The following SLC35F1 variants were observed in gnomAD, a reference collection of about 807,000 sequenced individuals.
The protein encoded by SLC35F1 is chromosome 6 open reading frame 169.
SLC35F1 carries 14 observed loss-of-function variants against 48.7 expected under a neutral mutation model. That is an observed-to-expected ratio of 0.29 (90% CI 0.19 to 0.45). The LOEUF is 0.45. SLC35F1 is among the 20% of genes least tolerant of loss of function. SLC35F1 has a pLI of 1.00. For synonymous variants in SLC35F1, 190 were observed against 202.2 expected (o/e 0.94, Z 0.51); for missense variants, 404 against 500.0 (o/e 0.81, Z 1.83).
At chr6:118,292,742 A>G (rs1442024241) in intron 7 of SLC35F1, among the ~76,000 whole-genome samples, 2 of 149,076 alleles carry the variant, frequency 1.3e-5, no homozygotes, top group Non-Finnish European at 1.5e-5. Flanking sequence ...TTTCCCTCCC[A>G]TCATTCCGCT....
At chr6:118,213,826 G>T in intron 2 of SLC35F1, among the ~76,000 whole-genome samples, 1 of 152,148 alleles carries the variant, frequency 6.6e-6, no homozygotes, top group Non-Finnish European at 1.5e-5. Context: ...AAACAAAAAT[G>T]GTTTGCAAGG....
intron 1 of SLC35F1, among the ~76,000 whole-genome samples, chr6:117,969,710 G>A (rs1440706264): frequency 1.0e-5 from 1 of 97,650 alleles, no homozygotes; most frequent in Non-Finnish European, 2.1e-5. Flanking sequence ...GTGAGACCCT[G>A]TTTCTTAAAA....
At chr6:118,098,558 G>A (rs536556134) in intron 1 of SLC35F1, among the ~76,000 whole-genome samples, 14 of 152,090 alleles carry the variant, frequency 9.2e-5, no homozygotes, top group African/African-American at 1.4e-4. Context: ...TTGTACCTCT[G>A]AAGACTTTTT....
chr6:118,014,074 T>A (rs1389092047), intron 1 of SLC35F1, among the ~76,000 whole-genome samples: 2 of 152,224 alleles, frequency 1.3e-5, no homozygotes, highest in Non-Finnish European at 2.9e-5. Context: ...TTCGAATCAG[T>A]GTTTATTAGC....
chr6:118,014,112 C>T (rs894544378), intron 1 of SLC35F1, among the ~76,000 whole-genome samples: 2 of 152,108 alleles, frequency 1.3e-5, no homozygotes, highest in African/African-American at 4.8e-5. Flanking sequence ...GTTAGTTGAC[C>T]TCTGAGTTTC....
At chr6:118,200,657 C>T (rs1223642267) in intron 2 of SLC35F1, among the ~76,000 whole-genome samples, 3 of 152,168 alleles carry the variant, frequency 2.0e-5, no homozygotes, top group Admixed American at 6.5e-5. Flanking sequence ...GCCTCACAAG[C>T]TACATATTTC....
At chr6:118,235,730 T>G in intron 3 of SLC35F1, 94 bp downstream of exon 3, 1 of 1,345,122 alleles carries the variant, frequency 7.4e-7, no homozygotes, top group Non-Finnish European at 1.0e-6. Flanking sequence ...TACAAGTTAC[T>G]ATCTGTATAC....
At chr6:118,104,388 C>A (rs1221758249) in intron 1 of SLC35F1, among the ~76,000 whole-genome samples, 1 of 152,124 alleles carries the variant, frequency 6.6e-6, no homozygotes, top group African/African-American at 2.4e-5. Context: ...GTTGCAATGT[C>A]CATGAAATGC....
intron 1 of SLC35F1, among the ~76,000 whole-genome samples, chr6:118,034,917 A>G (rs1355626595): frequency 6.6e-6 from 1 of 152,170 alleles, no homozygotes; most frequent in Admixed American, 6.5e-5. Context: ...CTAGTTGAGT[A>G]GTGTTTCTTA....
intron 1 of SLC35F1, among the ~76,000 whole-genome samples, chr6:118,087,039 G>T (rs892759348): frequency 1.3e-5 from 2 of 152,150 alleles, no homozygotes; most frequent in African/African-American, 2.4e-5. Flanking sequence ...ACCCTAAGGT[G>T]CTGGGGCCCT....
chr6:117,912,963 T>C (rs920722134), intron 1 of SLC35F1, among the ~76,000 whole-genome samples: 1 of 152,246 alleles, frequency 6.6e-6, no homozygotes, highest in Non-Finnish European at 1.5e-5. Flanking sequence ...GTTTTCACTG[T>C]ACACATCTAT....
intron 3 of SLC35F1, among the ~76,000 whole-genome samples, chr6:118,242,995 A>G (rs1350078876): frequency 6.6e-6 from 1 of 152,156 alleles, no homozygotes; most frequent in Non-Finnish European, 1.5e-5. Flanking sequence ...TCCAACACTG[A>G]TTATTTTATT....
intron 2 of SLC35F1, among the ~76,000 whole-genome samples, chr6:118,179,453 G>C (rs182437701): frequency 1.3e-5 from 2 of 152,128 alleles, no homozygotes; most frequent in Non-Finnish European, 2.9e-5. Context: ...CTGCCTTTTT[G>C]TTCTGTCTGG....
At chr6:118,276,442 A>T (rs901050649) in intron 5 of SLC35F1, among the ~76,000 whole-genome samples, 1 of 152,228 alleles carries the variant, frequency 6.6e-6, no homozygotes, top group African/African-American at 2.4e-5. Flanking sequence ...GAAATTATTT[A>T]TGGAAGATAT....
rs1462464948 is a variant in SLC35F1 at position 118,049,942 on chromosome 6, G to A, written c.174-104503G>A. On this transcript the variant is annotated intron_variant, in intron 1 of 7. Transcript: ENST00000360388. ...TATGTTTATTGTGGCACTATTCACAGTAGCAAAGACTTGGAACCAACCCAA... is the reference window on the plus strand; with the variant it reads ...TATGTTTATTGTGGCACTATTCACAATAGCAAAGACTTGGAACCAACCCAA... Among the ~76,000 whole-genome samples, 134 of 152,110 alleles carry A rather than the reference G, an allele frequency of 8.8e-4. 3 individuals carry two copies. The South Asian group carries it at 0.023, about 26-fold the overall frequency.
At chr6:118,143,382 C>A (rs915825359) in intron 1 of SLC35F1, among the ~76,000 whole-genome samples, 3 of 152,064 alleles carry the variant, frequency 2.0e-5, no homozygotes, top group African/African-American at 4.8e-5. Flanking sequence ...AAAAGGTTGC[C>A]CCCTCTTTCC....
intron 1 of SLC35F1, among the ~76,000 whole-genome samples, chr6:118,144,669 A>G (rs1773945368): frequency 6.6e-6 from 1 of 151,852 alleles, no homozygotes; most frequent in South Asian, 2.1e-4. Flanking sequence ...TTCACATCCC[A>G]GGGGGATATG....
chr6:118,189,104 A>C (rs1774698777), intron 2 of SLC35F1, among the ~76,000 whole-genome samples: 1 of 151,936 alleles, frequency 6.6e-6, no homozygotes, highest in Non-Finnish European at 1.5e-5. Flanking sequence ...GTAGAGAGGG[A>C]ATCTCACCAT....
chr6:118,246,290 T>A (rs937967894), intron 3 of SLC35F1, among the ~76,000 whole-genome samples: 1 of 152,182 alleles, frequency 6.6e-6, no homozygotes, highest in South Asian at 2.1e-4. Flanking sequence ...CTCTGTTCTA[T>A]AAAGGACCGG....
Sources: allele counts gnomAD v4.1 joint callset (sites outside exome capture counted in the v4.1 genomes callset), GRCh38; gene constraint gnomAD v4.1.1; transcripts MANE v1.5; gene names NCBI Gene and HGNC (gene_info 2026-07-23, HGNC 2026-07-21).